GNA14: variants seen among roughly 807,000 people sequenced by gnomAD.
GNA14 encodes G protein subunit alpha 14.
In GNA14, 50 loss-of-function variants were observed where a neutral mutation model predicts 42.0. The ratio of observed to expected loss-of-function variants is 1.19; its 90% CI spans 0.95 to 1.51. The LOEUF (loss-of-function observed/expected upper bound fraction) is 1.51, where lower values mean the gene tolerates loss of function less well. Among genes scored for constraint, GNA14 ranks in the 40% most tolerant of loss-of-function variants. The probability of loss-of-function intolerance (pLI) is 0.00; values close to 1 mark genes in which losing one functional copy is unlikely to be tolerated. For missense variants in GNA14, 473 were observed against 446.2 expected (o/e 1.06, Z -0.54); for synonymous variants, 173 against 163.1 (o/e 1.06, Z -0.46).
At chr9:77,560,812 T>A (rs927743964) in intron 1 of GNA14, among the ~76,000 whole-genome samples, 7 of 152,240 alleles carry the variant, frequency 4.6e-5, no homozygotes, top group African/African-American at 1.7e-4. Flanking sequence ...AATGAGGAGT[T>A]ACTTATTTTC....
intron 2 of GNA14, among the ~76,000 whole-genome samples, chr9:77,494,991 G>T (rs981157524): frequency 1.3e-5 from 2 of 151,982 alleles, no homozygotes; most frequent in Admixed American, 1.3e-4. Flanking sequence ...GTGAAGACAG[G>T]GTTTTGCCAT....
At chr9:77,490,012 G>A (rs562365182) in intron 2 of GNA14, among the ~76,000 whole-genome samples, 5 of 151,922 alleles carry the variant, frequency 3.3e-5, no homozygotes, top group South Asian at 2.1e-4. Flanking sequence ...TGATTGGTGC[G>A]TTTACAATCC....
At chr9:77,448,708 AC>A (rs1283230444) in intron 2 of GNA14, among the ~76,000 whole-genome samples, 2 of 152,210 alleles carry the variant, frequency 1.3e-5, no homozygotes, top group African/African-American at 4.8e-5. Flanking sequence ...TGTATGCAGC[AC>A]CCATAAACTC....
chr9:77,619,815 G>C (rs1391264520), intron 1 of GNA14, among the ~76,000 whole-genome samples: 1 of 152,044 alleles, frequency 6.6e-6, no homozygotes, highest in Admixed American at 6.6e-5. Context: ...TTTTTAGCTA[G>C]TGACAAATGT....
chr9:77,616,696 T>C (rs997993737), intron 1 of GNA14, among the ~76,000 whole-genome samples: 1 of 152,200 alleles, frequency 6.6e-6, no homozygotes, highest in Non-Finnish European at 1.5e-5. Context: ...TCATAATTCC[T>C]GCTTCTGTCA....
At position 77,492,425 on chromosome 9, in the gene GNA14, GA is replaced by G. The variant is rs1270078039; in HGVS notation, c.309+36643del. Among the ~76,000 whole-genome samples, 5 of 151,182 alleles carry G rather than the reference GA, an allele frequency of 3.3e-5. 1 individual carries two copies. The East Asian group carries it at 9.7e-4, about 29-fold the overall frequency. On this transcript the variant is annotated intron_variant, in intron 2 of 6. Transcript: ENST00000341700. ...ATTGGCAAACCTTTAGCAAGATTAA[GA>G]AAAAAAGAGAGAGAGAAGATGCAAA...
chr9:77,546,036 C>A (rs533138488), intron 1 of GNA14, among the ~76,000 whole-genome samples: 1 of 151,698 alleles, frequency 6.6e-6, no homozygotes, highest in Non-Finnish European at 1.5e-5. Context: ...GCCAACACAG[C>A]GAAACCCCGT....
chr9:77,528,598 G>T (rs781587632), intron 2 of GNA14, among the ~76,000 whole-genome samples: 23 of 152,082 alleles, frequency 1.5e-4, no homozygotes, highest in African/African-American at 5.3e-4. Flanking sequence ...CCATCACTTA[G>T]TTCCCAAGAA....
At chr9:77,502,058 C>G (rs1042939696) in intron 2 of GNA14, among the ~76,000 whole-genome samples, 1 of 152,138 alleles carries the variant, frequency 6.6e-6, no homozygotes, top group Non-Finnish European at 1.5e-5. Context: ...CTTTCTCTGT[C>G]TCTCTATGTT....
chr9:77,500,726 A>G (rs1317126259), intron 2 of GNA14, among the ~76,000 whole-genome samples: 1 of 152,216 alleles, frequency 6.6e-6, no homozygotes, highest in African/African-American at 2.4e-5. Context: ...GATTGGCTTT[A>G]TTCACTTAGC....
In GNA14 at chr9:77,499,374, G is replaced by A. The variant is rs576738433; in HGVS notation, c.309+29695C>T. Among the ~76,000 whole-genome samples, 5 of 138,156 alleles carry A rather than the reference G, an allele frequency of 3.6e-5. No homozygotes were observed. In the East Asian group the frequency reaches 1.1e-3, roughly 29 times the overall value. The allele number at this position is 138,156 out of a possible 152,430, so 90.6% of individuals were successfully genotyped here. A position where few individuals can be genotyped will look rare whatever the true frequency, so the allele number is the denominator to read the frequency against. On this transcript the variant is annotated intron_variant, in intron 2 of 6. Coordinates refer to ENST00000341700, the MANE Select transcript of GNA14 (RefSeq NM_004297.4). The stretch of plus-strand genomic sequence containing the variant: ...GTTGGTAAATCTTTAGTACTTCATA[G>A]TTTACAAATTGCTTCAAAAAAAAAA...
At chr9:77,527,155 T>A (rs1837452476) in intron 2 of GNA14, among the ~76,000 whole-genome samples, 1 of 152,200 alleles carries the variant, frequency 6.6e-6, no homozygotes, top group Non-Finnish European at 1.5e-5. Flanking sequence ...GAAAAACAGA[T>A]GAACTGAAAT....
chr9:77,538,569 A>G (rs1837624091), intron 1 of GNA14, among the ~76,000 whole-genome samples: 1 of 152,144 alleles, frequency 6.6e-6, no homozygotes, highest in African/African-American at 2.4e-5. Context: ...ATGAGCATGG[A>G]TGTCTAATTC....
intron 1 of GNA14, among the ~76,000 whole-genome samples, chr9:77,535,388 C>CA (rs1172139694): frequency 1.1e-4 from 17 of 148,056 alleles, no homozygotes; most frequent in Non-Finnish European, 2.4e-4. Flanking sequence ...ACTAAAAATA[C>CA]AAAAAATTAG....
At position 77,541,225 on chromosome 9, in the gene GNA14, T is replaced by A. The variant is rs535732307; in HGVS notation, c.125-11972A>T. On this transcript the variant is annotated intron_variant, in intron 1 of 6. Transcript: ENST00000341700. ...GCCTTTCTTGTAGGGCCAGCCGGTC[T>A]AGTGGTCATAAATTCTCTCAGCATT... Among the ~76,000 whole-genome samples, 14 of 152,314 alleles carry A rather than the reference T, an allele frequency of 9.2e-5. No individual in the cohort carries two copies. In the East Asian group the frequency reaches 2.7e-3, roughly 29 times the overall value.
chr9:77,603,943 CAAAAAAAAAAAACAAAAAAAAA>C (rs1391792314), intron 1 of GNA14, among the ~76,000 whole-genome samples: 19 of 40,166 alleles, frequency 4.7e-4, no homozygotes, highest in African/African-American at 1.5e-3. Context: ...GACTCCATCT[CAAAAAAAAAAAACAAAAAAAAA>C]AAAAAAAAAA....
At chr9:77,476,550 G>A (rs937979677) in intron 2 of GNA14, among the ~76,000 whole-genome samples, 4 of 152,202 alleles carry the variant, frequency 2.6e-5, no homozygotes, top group Admixed American at 1.3e-4. Flanking sequence ...TGTCAGGGAG[G>A]CAGTGTGAAA....
In GNA14 at chr9:77,572,986, C is replaced by T. The variant is rs192523397; in HGVS notation, c.125-43733G>A. Among the ~76,000 whole-genome samples, 66 of 152,252 alleles carry T rather than the reference C, an allele frequency of 4.3e-4. 1 individual carries two copies. The highest frequency in any genetic ancestry group is 2.9e-3 in the Admixed American group (45 of 15,292). ...TAATAAGCCAACAATATACTGTCGA[C>T]GCTAAATATTTAGTGATATTACCTC... On this transcript the variant is annotated intron_variant, in intron 1 of 6. Transcript: ENST00000341700.
At chr9:77,606,652 G>A (rs961999920) in intron 1 of GNA14, among the ~76,000 whole-genome samples, 4 of 152,196 alleles carry the variant, frequency 2.6e-5, no homozygotes, top group Non-Finnish European at 5.9e-5. Context: ...GGGTTGTAAA[G>A]GGTTTCCTTA....
Sources: allele counts gnomAD v4.1 joint callset (sites outside exome capture counted in the v4.1 genomes callset), GRCh38; gene constraint gnomAD v4.1.1; transcripts MANE v1.5; gene names NCBI Gene and HGNC (gene_info 2026-07-23, HGNC 2026-07-21).